EYA4: variants seen among roughly 807,000 people sequenced by gnomAD.
The protein encoded by EYA4 is EYA transcriptional coactivator and phosphatase 4.
In EYA4, 31 loss-of-function variants were observed where a neutral mutation model predicts 87.9. That is an observed-to-expected ratio of 0.35 (90% CI 0.27 to 0.48). The LOEUF (loss-of-function observed/expected upper bound fraction) is 0.48, where lower values mean the gene tolerates loss of function less well. EYA4 is among the 20% of genes least tolerant of loss of function. The probability of loss-of-function intolerance (pLI) is 0.99; values close to 1 mark genes in which losing one functional copy is unlikely to be tolerated. For synonymous variants in EYA4, 263 were observed against 270.6 expected, an observed-to-expected ratio of 0.97 and a Z score of 0.28; for missense variants, 678 against 761.4, an observed-to-expected ratio of 0.89 and a Z score of 1.29.
At chr6:133,526,590 CT>C (rs1383137188) in intron 19 of EYA4, among the ~76,000 whole-genome samples, 1 of 152,206 alleles carries the variant, frequency 6.6e-6, no homozygotes, top group Non-Finnish European at 1.5e-5. Flanking sequence ...CAGGCTCTGC[CT>C]GCCACAGAAC....
chr6:133,484,695 C>T (rs185219999), intron 13 of EYA4, among the ~76,000 whole-genome samples: 4 of 152,272 alleles, frequency 2.6e-5, no homozygotes, highest in Admixed American at 6.5e-5. Flanking sequence ...ACAGTAAATC[C>T]TGTTGAGCTG....
intron 3 of EYA4, among the ~76,000 whole-genome samples, chr6:133,446,123 C>T (rs1397383157): frequency 1.3e-5 from 2 of 152,012 alleles, no homozygotes; most frequent in Non-Finnish European, 2.9e-5. Flanking sequence ...TGATTTCTTC[C>T]ATATTGGTGG....
At chr6:133,501,790 C>T (rs1334684555) in intron 13 of EYA4, among the ~76,000 whole-genome samples, 1 of 152,152 alleles carries the variant, frequency 6.6e-6, no homozygotes, top group Non-Finnish European at 1.5e-5. Flanking sequence ...TACATAATTG[C>T]TGCCTCTCCA....
intron 3 of EYA4, among the ~76,000 whole-genome samples, chr6:133,412,039 A>G (rs1306209479): frequency 2.0e-5 from 3 of 152,186 alleles, no homozygotes; most frequent in Non-Finnish European, 4.4e-5. Flanking sequence ...CCCTTCTTCA[A>G]AGTCATTTAA....
chr6:133,421,288 G>A (rs964942745), intron 3 of EYA4, among the ~76,000 whole-genome samples: 3 of 152,178 alleles, frequency 2.0e-5, no homozygotes, highest in Admixed American at 6.5e-5. Flanking sequence ...CATTCAGATC[G>A]TCTTAGTTCT....
chr6:133,334,132 T>G (rs190572997), intron 2 of EYA4, among the ~76,000 whole-genome samples: 435 of 152,330 alleles, frequency 2.9e-3, no homozygotes, highest in African/African-American at 1.0e-2. Flanking sequence ...TGAGTCAGTC[T>G]TGGGGAGGAT....
chr6:133,344,863 T>C (rs1402897377), intron 2 of EYA4, among the ~76,000 whole-genome samples: 1 of 152,142 alleles, frequency 6.6e-6, no homozygotes, highest in Non-Finnish European at 1.5e-5. Context: ...TATGTGTTTA[T>C]ATAATAATTA....
At chr6:133,452,293 C>T (rs998315135) in intron 5 of EYA4, among the ~76,000 whole-genome samples, 2 of 152,082 alleles carry the variant, frequency 1.3e-5, no homozygotes, top group East Asian at 1.9e-4. Flanking sequence ...TTTAAATGGA[C>T]ACCTTAAACT....
chr6:133,300,251 G>A (rs866049461), intron 2 of EYA4, among the ~76,000 whole-genome samples: 8 of 151,842 alleles, frequency 5.3e-5, no homozygotes, highest in South Asian at 2.1e-4. Flanking sequence ...TTGCTGTCTC[G>A]GGGATGGCAG....
intron 3 of EYA4, among the ~76,000 whole-genome samples, chr6:133,431,088 T>C (rs1016517339): frequency 1.3e-5 from 2 of 152,046 alleles, no homozygotes; most frequent in East Asian, 1.9e-4. Context: ...TTGGGTGTGT[T>C]TGACAAACAG....
intron 2 of EYA4, among the ~76,000 whole-genome samples, chr6:133,321,669 G>A (rs952203603): frequency 6.6e-6 from 1 of 152,142 alleles, no homozygotes; most frequent in African/African-American, 2.4e-5. Context: ...GGATTAGAAT[G>A]TATTTCTGTG....
chr6:133,406,392 A>G (rs1361151268), intron 3 of EYA4, among the ~76,000 whole-genome samples: 1 of 152,216 alleles, frequency 6.6e-6, no homozygotes, highest in African/African-American at 2.4e-5. Context: ...TGAGAGGCAT[A>G]CAATGCCAAC....
intron 17 of EYA4, among the ~76,000 whole-genome samples, chr6:133,518,437 AC>A (rs1441242915): frequency 6.6e-6 from 1 of 152,146 alleles, no homozygotes; most frequent in Non-Finnish European, 1.5e-5. Flanking sequence ...TTTTGCCATT[AC>A]TTTTAATGGC....
chr6:133,271,077 A>T (rs1018347100), intron 1 of EYA4, among the ~76,000 whole-genome samples: 6 of 152,130 alleles, frequency 3.9e-5, no homozygotes, highest in African/African-American at 1.4e-4. Flanking sequence ...TTGCTAGTGA[A>T]TCACTAGGGG....
At chr6:133,527,818 C>T (rs1013415949) in intron 19 of EYA4, among the ~76,000 whole-genome samples, 6 of 152,132 alleles carry the variant, frequency 3.9e-5, no homozygotes, top group South Asian at 2.1e-4. Context: ...ATATTTTATA[C>T]GTACATATTC....
intron 1 of EYA4, among the ~76,000 whole-genome samples, chr6:133,265,482 A>C (rs7748844): frequency 0.023 from 3,426 of 152,200 alleles, 113 homozygotes; most frequent in African/African-American, 0.076. Context: ...CTTGATTTGG[A>C]GAATGTTCTC....
chr6:133,361,929 C>T (rs1784477464), intron 2 of EYA4, among the ~76,000 whole-genome samples: 1 of 152,174 alleles, frequency 6.6e-6, no homozygotes, highest in Non-Finnish European at 1.5e-5. Context: ...TTCAGATCCA[C>T]CCATTGTGAC....
At chr6:133,357,792 G>C (rs1284436956) in intron 2 of EYA4, among the ~76,000 whole-genome samples, 1 of 152,116 alleles carries the variant, frequency 6.6e-6, no homozygotes, top group Non-Finnish European at 1.5e-5. Flanking sequence ...GGGTCTTTCT[G>C]ATAGTTTTTC....
chr6:133,367,177 G>A (rs1292292379), intron 2 of EYA4, among the ~76,000 whole-genome samples: 5 of 152,086 alleles, frequency 3.3e-5, no homozygotes, highest in East Asian at 1.9e-4. Context: ...TCCTATATCC[G>A]TGCAACTGAG....
Sources: gnomAD v4.1 joint callset for allele counts (sites outside exome capture counted in the v4.1 genomes callset) on GRCh38, gnomAD v4.1.1 for gene constraint, MANE v1.5 for transcripts, NCBI Gene and HGNC (gene_info 2026-07-23, HGNC 2026-07-21) for gene names.